Variants in LRRC4C observed in about 807,000 individuals in gnomAD.
LRRC4C encodes leucine rich repeat containing 4C, also known as leucine-rich repeat-containing protein 4C.
A neutral mutation model predicts 33.6 loss-of-function variants in LRRC4C; 5 were observed. That is an observed-to-expected ratio of 0.15 (90% CI 0.08 to 0.31). The LOEUF (loss-of-function observed/expected upper bound fraction) is 0.31. LRRC4C is among the 10% of genes least tolerant of loss of function. The pLI is 1.00. For missense variants in LRRC4C, 560 were observed against 796.7 expected (o/e 0.70, Z 3.58); for synonymous variants, 329 against 302.0 (o/e 1.09, Z -0.93).
intron 1 of LRRC4C, among the ~76,000 whole-genome samples, chr11:41,200,958 A>G (rs1946378188): frequency 6.6e-6 from 1 of 152,166 alleles, no homozygotes; most frequent in Admixed American, 6.6e-5. Context: ...GGAAATCTGG[A>G]ATTTTCACAT....
intron 2 of LRRC4C, among the ~76,000 whole-genome samples, chr11:40,751,076 G>T (rs1565013411): frequency 6.7e-6 from 1 of 148,246 alleles, no homozygotes; most frequent in African/African-American, 2.5e-5. Flanking sequence ...CTCCCTTTAT[G>T]AAAAAAAAGA....
At chr11:41,312,313 C>T (rs1950665200) in intron 1 of LRRC4C, among the ~76,000 whole-genome samples, 1 of 152,166 alleles carries the variant, frequency 6.6e-6, no homozygotes, top group African/African-American at 2.4e-5. Context: ...CTCACTGCTC[C>T]TGAGACTTTC....
intron 2 of LRRC4C, among the ~76,000 whole-genome samples, chr11:40,786,807 G>A (rs1328828477): frequency 6.6e-6 from 1 of 151,984 alleles, no homozygotes; most frequent in Non-Finnish European, 1.5e-5. Context: ...TGCTTGCTTT[G>A]AGGATGTAAC....
intron 4 of LRRC4C, among the ~76,000 whole-genome samples, chr11:40,250,217 A>C (rs1371694941): frequency 6.6e-6 from 1 of 152,192 alleles, no homozygotes; most frequent in East Asian, 1.9e-4. Flanking sequence ...GGAGTATCAA[A>C]TATAACTTTT....
intron 1 of LRRC4C, among the ~76,000 whole-genome samples, chr11:41,448,122 G>GGTTTTTTTTTT (rs1554934483): frequency 1.1e-3 from 53 of 46,900 alleles, no homozygotes; most frequent in Middle Eastern, 0.021. Context: ...GCACACGTCT[G>GGTTTTTTTTTT]TTTTTTTTTT....
intron 1 of LRRC4C, among the ~76,000 whole-genome samples, chr11:41,045,941 C>T (rs355218): frequency 0.97 from 148,204 of 152,238 alleles, 72,289 homozygotes; most frequent in East Asian, 1. Context: ...AATCACAAAA[C>T]GTTACACAAT....
At chr11:40,766,660 G>T (rs1445477950) in intron 2 of LRRC4C, among the ~76,000 whole-genome samples, 3 of 152,006 alleles carry the variant, frequency 2.0e-5, no homozygotes, top group African/African-American at 7.2e-5. Flanking sequence ...TTTGACACAT[G>T]TATTATTTTG....
chr11:40,158,579 C>CAA (rs10652402), intron 5 of LRRC4C, among the ~76,000 whole-genome samples: 75,143 of 140,912 alleles, frequency 0.53, 20,220 homozygotes, highest in East Asian at 0.68. Context: ...ACATACTTAT[C>CAA]AAAAAAAAAA....
At position 40,587,667 on chromosome 11, in the gene LRRC4C, T is replaced by C. The variant is rs563996692; in HGVS notation, c.-270+60475A>G. 2.8e-3 allele frequency among the ~76,000 whole-genome samples: 432 copies of C among 151,980 alleles called. 1 individual carries two copies. Among genetic ancestry groups the C allele is most frequent in the African/African-American group, 1.0e-2 (412 of 41,400 alleles). On this transcript the variant is annotated intron_variant, in intron 3 of 6. Transcript: ENST00000528697. ...TACGTCCCATCAATACCTAATTTGT[T>C]GAGAGTTTTTAGCATGAAGGGTTGT... is the stretch of plus-strand genomic sequence containing the variant.
intron 1 of LRRC4C, among the ~76,000 whole-genome samples, chr11:41,091,747 C>A (rs1488366921): frequency 6.6e-6 from 1 of 152,046 alleles, no homozygotes; most frequent in East Asian, 1.9e-4. Context: ...ACAAATATTT[C>A]TTCTATTTTT....
chr11:41,395,890 A>C (rs1407631314), intron 1 of LRRC4C, among the ~76,000 whole-genome samples: 1 of 152,042 alleles, frequency 6.6e-6, no homozygotes, highest in African/African-American at 2.4e-5. Context: ...AGGGAACTAA[A>C]AGTAGTTTAT....
At chr11:41,265,871 C>CA (rs1555128975) in intron 1 of LRRC4C, among the ~76,000 whole-genome samples, 4 of 69,816 alleles carry the variant, frequency 5.7e-5, no homozygotes, top group Non-Finnish European at 1.4e-4. Context: ...TGGGTCTTTT[C>CA]TTTTTTTAAA....
intron 1 of LRRC4C, among the ~76,000 whole-genome samples, chr11:41,404,535 G>GAC (rs138726744): frequency 1.8e-3 from 68 of 37,330 alleles, no homozygotes; most frequent in Middle Eastern, 0.016. Context: ...AAGACACACA[G>GAC]ACACACACAC....
chr11:40,363,958 CA>C (rs1269894087), intron 3 of LRRC4C, among the ~76,000 whole-genome samples: 1 of 152,158 alleles, frequency 6.6e-6, no homozygotes, highest in Non-Finnish European at 1.5e-5. Flanking sequence ...CCAGAAGAAA[CA>C]TCATATTCGT....
At chr11:40,221,815 C>A (rs1864439358) in intron 5 of LRRC4C, among the ~76,000 whole-genome samples, 1 of 152,024 alleles carries the variant, frequency 6.6e-6, no homozygotes, top group African/African-American at 2.4e-5. Flanking sequence ...CAGTCACGTA[C>A]CCCCTGCTTG....
At chr11:41,213,424 G>A (rs891141788) in intron 1 of LRRC4C, among the ~76,000 whole-genome samples, 2 of 152,160 alleles carry the variant, frequency 1.3e-5, no homozygotes, top group African/African-American at 2.4e-5. Flanking sequence ...GAGATGAAAA[G>A]TGACAGAAAA....
chr11:40,376,931 T>C (rs1948683035), intron 3 of LRRC4C, among the ~76,000 whole-genome samples: 1 of 152,170 alleles, frequency 6.6e-6, no homozygotes, highest in Admixed American at 6.6e-5. Context: ...TTCCAACTCA[T>C]ATATCATGTT....
chr11:40,614,453 GGTTT>G (rs1961554909), intron 3 of LRRC4C, among the ~76,000 whole-genome samples: 1 of 64,768 alleles, frequency 1.5e-5, no homozygotes, highest in Non-Finnish European at 4.5e-5. Context: ...TGTTGTGGCT[GGTTT>G]GATCTCCTGT....
chr11:40,788,431 C>T (rs1438837306), intron 2 of LRRC4C, among the ~76,000 whole-genome samples: 1 of 152,080 alleles, frequency 6.6e-6, no homozygotes, highest in Non-Finnish European at 1.5e-5. Context: ...TCACCCTTTG[C>T]TGTAAATGTT....
Sources: allele counts gnomAD v4.1 joint callset (sites outside exome capture counted in the v4.1 genomes callset), GRCh38; gene constraint gnomAD v4.1.1; transcripts MANE v1.5; gene names NCBI Gene and HGNC (gene_info 2026-07-23, HGNC 2026-07-21).